The following KCND2 variants were observed in gnomAD, a reference collection of about 807,000 sequenced individuals.
The protein encoded by KCND2 is A-type voltage-gated potassium channel KCND2.
KCND2 carries 16 observed loss-of-function variants against 54.4 expected under a neutral mutation model. The ratio of observed to expected loss-of-function variants is 0.29; its 90% confidence interval spans 0.20 to 0.45. The LOEUF (loss-of-function observed/expected upper bound fraction) is 0.45, where lower values mean the gene tolerates loss of function less well. KCND2 is among the 20% of genes least tolerant of loss of function. KCND2 has a pLI of 1.00. For missense variants in KCND2, 486 were observed against 824.2 expected (o/e 0.59, Z 5.02); for synonymous variants, 317 against 310.7 (o/e 1.02, Z -0.21).
chr7:120,300,481 G>T (rs1584719537), intron 1 of KCND2, among the ~76,000 whole-genome samples: 1 of 152,040 alleles, frequency 6.6e-6, no homozygotes, highest in Non-Finnish European at 1.5e-5. Flanking sequence ...GAATACTGGT[G>T]TATATTGTTT....
intron 1 of KCND2, among the ~76,000 whole-genome samples, chr7:120,658,139 T>C (rs1170748501): frequency 6.6e-6 from 1 of 152,126 alleles, no homozygotes; most frequent in East Asian, 1.9e-4. Context: ...GGAAGAAAAT[T>C]GCACGTGGGT....
chr7:120,447,584 C>T, intron 1 of KCND2, among the ~76,000 whole-genome samples: 1 of 152,088 alleles, frequency 6.6e-6, no homozygotes, highest in East Asian at 1.9e-4. Context: ...AAAGTCCTGT[C>T]TGTGAGAATA....
At chr7:120,701,401 G>T (rs2116031858) in intron 1 of KCND2, among the ~76,000 whole-genome samples, 1 of 152,154 alleles carries the variant, frequency 6.6e-6, no homozygotes, top group African/African-American at 2.4e-5. Context: ...GGAACAAGAA[G>T]CAAAGTAGGC....
intron 1 of KCND2, among the ~76,000 whole-genome samples, chr7:120,316,455 CA>C (rs1799813821): frequency 1.3e-5 from 2 of 152,188 alleles, no homozygotes; most frequent in Non-Finnish European, 2.9e-5. Context: ...AATCAAAACT[CA>C]TTTGTGAAAT....
Position 120,273,892 on chromosome 7 carries a change from G to A in KCND2, c.-741G>A, listed in dbSNP as rs1584705644. The A allele has an allele frequency of 6.5e-6, 1 of 153,090 alleles. No homozygotes were observed. Among genetic ancestry groups the A allele is most frequent in the African/African-American group, 2.4e-5 (1 of 41,582 alleles). 9.5% of individuals were successfully genotyped at this position (153,090 alleles called of 1,614,324 possible). On this transcript the variant is annotated 5_prime_UTR_variant, in exon 1 of 6. An upstream open reading frame in the 5' UTR loses its in-frame stop. Coordinates refer to ENST00000331113, the MANE Select transcript of KCND2 (RefSeq NM_012281.3). ...CCTGAGCTGAACTTGAAAAGAGAGT[G>A]AAGGGGCGATTGGGCGAACGCTTTT...
chr7:120,323,553 G>GT (rs1347944515), intron 1 of KCND2, among the ~76,000 whole-genome samples: 76 of 150,520 alleles, frequency 5.0e-4, no homozygotes, highest in Middle Eastern at 3.4e-3. Context: ...GTGGTGTTTG[G>GT]TTTTTTGTCC....
At chr7:120,531,282 A>G (rs1163995235) in intron 1 of KCND2, among the ~76,000 whole-genome samples, 1 of 152,124 alleles carries the variant, frequency 6.6e-6, no homozygotes, top group Admixed American at 6.6e-5. Context: ...AGGCAATTCA[A>G]TTATAAGTTT....
At chr7:120,337,167 T>C (rs1800163623) in intron 1 of KCND2, among the ~76,000 whole-genome samples, 1 of 152,166 alleles carries the variant, frequency 6.6e-6, no homozygotes, top group Admixed American at 6.5e-5. Context: ...CGATTTAATT[T>C]TGAAACAAGA....
chr7:120,584,464 C>T (rs1486965174), intron 1 of KCND2, among the ~76,000 whole-genome samples: 1 of 152,166 alleles, frequency 6.6e-6, no homozygotes. Context: ...AGCATTCACG[C>T]AGCTAAAATG....
chr7:120,346,033 C>A (rs1045794448), intron 1 of KCND2, among the ~76,000 whole-genome samples: 1 of 152,070 alleles, frequency 6.6e-6, no homozygotes, highest in Non-Finnish European at 1.5e-5. Context: ...TGACAGTGGC[C>A]ATCCTGATAG....
chr7:120,680,617 A>G (rs73721450), intron 1 of KCND2, among the ~76,000 whole-genome samples: 5,404 of 152,188 alleles, frequency 0.036, 280 homozygotes, highest in African/African-American at 0.12. Context: ...CTGGCCTACC[A>G]TCTCTTTAAC....
chr7:120,350,745 G>T (rs1181515526), intron 1 of KCND2, among the ~76,000 whole-genome samples: 1 of 152,148 alleles, frequency 6.6e-6, no homozygotes, highest in Non-Finnish European at 1.5e-5. Flanking sequence ...CCTAAGGACA[G>T]ATTTCTGTTC....
In KCND2 at chr7:120,673,908, T is replaced by A. The variant is rs201334728; in HGVS notation, c.1116-58995T>A. Among the ~76,000 whole-genome samples the A allele has an allele frequency of 1.6e-3, 236 of 148,300 alleles. 3 individuals are homozygous for A. Among genetic ancestry groups the A allele is most frequent in the East Asian group, 0.016 (80 of 5,084 alleles). On this transcript the variant is annotated intron_variant, in intron 1 of 5. Transcript: ENST00000331113. ...CCCCTCATTACCTGCCTCTTTTATT[T>A]ATTTTTTTTTTTTTCTACAGGAGCC...
At chr7:120,369,575 T>A (rs961775164) in intron 1 of KCND2, among the ~76,000 whole-genome samples, 1 of 152,046 alleles carries the variant, frequency 6.6e-6, no homozygotes, top group South Asian at 2.1e-4. Context: ...AGATGTAGAG[T>A]CTGCATGAAT....
chr7:120,713,873 G>A (rs927382467), intron 1 of KCND2, among the ~76,000 whole-genome samples: 46 of 152,084 alleles, frequency 3.0e-4, no homozygotes, highest in Admixed American at 8.5e-4. Context: ...TCTTGTTTTG[G>A]TTTGGCTTAA....
intron 1 of KCND2, among the ~76,000 whole-genome samples, chr7:120,427,506 G>A (rs540328523): frequency 6.6e-6 from 1 of 152,242 alleles, no homozygotes; most frequent in Non-Finnish European, 1.5e-5. Flanking sequence ...CATAAAAGCT[G>A]GGCATATCAA....
intron 1 of KCND2, among the ~76,000 whole-genome samples, chr7:120,625,189 A>T (rs1793150434): frequency 6.6e-6 from 1 of 152,208 alleles, no homozygotes; most frequent in African/African-American, 2.4e-5. Flanking sequence ...GATTTAGTGT[A>T]TTGCATCACT....
chr7:120,515,496 C>T (rs1296743328), intron 1 of KCND2, among the ~76,000 whole-genome samples: 1 of 152,082 alleles, frequency 6.6e-6, no homozygotes, highest in African/African-American at 2.4e-5. Context: ...AAGATATCAC[C>T]TCTAGGACTG....
chr7:120,275,870 T>G, intron 1 of KCND2, 123 bp downstream of exon 1: 2 of 1,115,726 alleles, frequency 1.8e-6, no homozygotes, highest in Non-Finnish European at 2.6e-6. Flanking sequence ...TAGGAAAGCA[T>G]TATCTAAATG....
Sources: gnomAD v4.1 joint callset for allele counts (sites outside exome capture counted in the v4.1 genomes callset) on GRCh38, gnomAD v4.1.1 for gene constraint, MANE v1.5 for transcripts, NCBI Gene and HGNC (gene_info 2026-07-23, HGNC 2026-07-21) for gene names.